The following WWP2 variants were observed in gnomAD, a reference collection of about 807,000 sequenced individuals.
The protein encoded by WWP2 is WW domain containing E3 ubiquitin protein ligase 2.
Under a neutral mutation model 121.0 loss-of-function variants are expected in WWP2, and 57 were observed. That is an observed-to-expected ratio of 0.47 (90% CI 0.38 to 0.59). The LOEUF (loss-of-function observed/expected upper bound fraction) is 0.59. Among genes scored for constraint, WWP2 ranks in the 20% least tolerant of loss-of-function variants. The pLI, the probability that WWP2 is intolerant of heterozygous loss-of-function variation, is 0.00. For missense variants in WWP2, 962 were observed against 1,158.9 expected (o/e 0.83, Z 2.47); for synonymous variants, 449 against 441.3 (o/e 1.02, Z -0.22).
At chr16:69,888,925 C>A (rs1419575319) in intron 8 of WWP2, among the ~76,000 whole-genome samples, 1 of 152,068 alleles carries the variant, frequency 6.6e-6, no homozygotes, top group African/African-American at 2.4e-5. Context: ...AGGCTGGTCT[C>A]GAACTCCTGA....
chr16:69,917,932 G>A, intron 10 of WWP2, 49 bp downstream of exon 10: 1 of 1,545,734 alleles, frequency 6.5e-7, no homozygotes, highest in African/African-American at 1.6e-5. Context: ...CCCTGCGCTT[G>A]CGAATGTGCA....
At chr16:69,777,040 T>C (rs770974665) in intron 1 of WWP2, among the ~76,000 whole-genome samples, 1 of 151,098 alleles carries the variant, frequency 6.6e-6, no homozygotes. Flanking sequence ...ACAGTATATG[T>C]GTGTGTGTGT....
intron 18 of WWP2, 30 bp downstream of exon 18, chr16:69,936,016 G>A (rs368881090): frequency 5.2e-5 from 83 of 1,607,776 alleles, no homozygotes; most frequent in South Asian, 1.0e-4. Flanking sequence ...GCCCCACCGC[G>A]CTGATAGGAG....
chr16:69,912,363 T>C (rs2058391666), intron 9 of WWP2, among the ~76,000 whole-genome samples: 1 of 105,410 alleles, frequency 9.5e-6, no homozygotes, highest in African/African-American at 4.4e-5. Flanking sequence ...GTGCAGGGAG[T>C]TAGATTCACA....
chr16:69,771,056 G>T (rs1182915199), intron 1 of WWP2, among the ~76,000 whole-genome samples: 1 of 151,864 alleles, frequency 6.6e-6, no homozygotes, highest in Non-Finnish European at 1.5e-5. Flanking sequence ...CATCCTCTCA[G>T]TAAGTAACTT....
intron 2 of WWP2, among the ~76,000 whole-genome samples, chr16:69,797,616 C>A (rs550787276): frequency 1.3e-5 from 2 of 152,068 alleles, no homozygotes; most frequent in South Asian, 4.1e-4. Context: ...TGGCCAGGTG[C>A]GGTGGCTCAC....
chr16:69,778,072 A>AATATATATATATATAT (rs138021233), intron 1 of WWP2, among the ~76,000 whole-genome samples: 4 of 137,530 alleles, frequency 2.9e-5, no homozygotes, highest in African/African-American at 8.4e-5. Flanking sequence ...CCCTGTCTCA[A>AATATATATATATATAT]ATATATATAT....
chr16:69,806,583 C>A (rs1438508113), intron 4 of WWP2, among the ~76,000 whole-genome samples: 1 of 151,820 alleles, frequency 6.6e-6, no homozygotes, highest in East Asian at 1.9e-4. Flanking sequence ...TTCAGTTTTC[C>A]CCCCCATAAT....
chr16:69,931,828 G>A lies in WWP2; in HGVS notation c.1620G>A (p.Leu540=). The A allele has an allele frequency of 8.1e-6, 13 of 1,613,692 alleles. No individual in the cohort carries two copies. The highest frequency in any genetic ancestry group is 1.1e-5 in the Non-Finnish European group (13 of 1,180,018). The change falls in exon 16 of 24, where the codon CTG becomes CTA. Residue 540 remains leucine, a synonymous_variant. Transcript: ENST00000359154. ...QQIMNMKPYD[L]RRRLYIIMRG... The stretch of plus-strand genomic sequence containing the variant: ...TCATGAACATGAAACCCTATGACCT[G>A]CGCCGCCGGCTCTACATCATCATGC...
At chr16:69,808,995 C>G (rs375114819) in intron 4 of WWP2, among the ~76,000 whole-genome samples, 1 of 152,160 alleles carries the variant, frequency 6.6e-6, no homozygotes, top group African/African-American at 2.4e-5. Flanking sequence ...TTTTACTGTG[C>G]TCTGATCGTT....
At chr16:69,885,913 G>A (rs1355676703) in intron 7 of WWP2, among the ~76,000 whole-genome samples, 1 of 152,150 alleles carries the variant, frequency 6.6e-6, no homozygotes, top group African/African-American at 2.4e-5. Context: ...TGGCCTCATG[G>A]TATCTGATTT....
At chr16:69,936,256 C>A in intron 18 of WWP2, 56 bp from the exon 19 acceptor site, 2 of 1,610,190 alleles carry the variant, frequency 1.2e-6, no homozygotes, top group Non-Finnish European at 8.5e-7. Context: ...AGAGCAGGAT[C>A]CAGGAAAGAC....
intron 8 of WWP2, among the ~76,000 whole-genome samples, chr16:69,893,576 T>G (rs888569085): frequency 1.3e-5 from 2 of 152,066 alleles, no homozygotes; most frequent in Non-Finnish European, 2.9e-5. Flanking sequence ...TTTGTTTTTG[T>G]TTTTGTTTTT....
At chr16:69,813,606 G>T (rs1244948283) in intron 4 of WWP2, among the ~76,000 whole-genome samples, 1 of 152,198 alleles carries the variant, frequency 6.6e-6, no homozygotes, top group Non-Finnish European at 1.5e-5. Context: ...GGGACTACAG[G>T]TGTGTGCTGG....
chr16:69,841,903 T>C, intron 5 of WWP2, 121 bp from the exon 6 acceptor site: 1 of 896,650 alleles, frequency 1.1e-6, no homozygotes. Context: ...CGGATGTCCA[T>C]ATCCCGTGGT....
chr16:69,784,957 C>T (rs1163318961), intron 1 of WWP2, among the ~76,000 whole-genome samples: 6 of 149,710 alleles, frequency 4.0e-5, no homozygotes, highest in East Asian at 2.0e-4. Context: ...AAAGAGTGGT[C>T]GAGTGCAGTG....
At chr16:69,800,483 A>G (rs2056139403) in intron 4 of WWP2, among the ~76,000 whole-genome samples, 1 of 152,154 alleles carries the variant, frequency 6.6e-6, no homozygotes, top group Non-Finnish European at 1.5e-5. Flanking sequence ...TTTGGTTAGC[A>G]AAAGTCCTTG....
intron 6 of WWP2, among the ~76,000 whole-genome samples, chr16:69,853,456 T>C (rs2057255317): frequency 6.6e-6 from 1 of 152,224 alleles, no homozygotes. Context: ...GGCTTCTGCC[T>C]TCCTTCTGCT....
intron 19 of WWP2, 76 bp downstream of exon 19, chr16:69,936,528 C>A: frequency 6.3e-7 from 1 of 1,586,642 alleles, no homozygotes; most frequent in Non-Finnish European, 8.6e-7. Flanking sequence ...AGATGGGCCC[C>A]CACCTGTGGC....
Sources: gnomAD v4.1 joint callset for allele counts (sites outside exome capture counted in the v4.1 genomes callset) on GRCh38, gnomAD v4.1.1 for gene constraint, MANE v1.5 for transcripts, NCBI Gene and HGNC (gene_info 2026-07-23, HGNC 2026-07-21) for gene names.